The following ABCC9 variants were observed in gnomAD, a reference collection of about 807,000 sequenced individuals.
ABCC9 encodes the protein ATP binding cassette subfamily C member 9.
ABCC9 carries 95 observed loss-of-function variants against 188.3 expected under a neutral mutation model. The ratio of observed to expected loss-of-function variants is 0.50; its 90% CI spans 0.43 to 0.60. The LOEUF (loss-of-function observed/expected upper bound fraction) is 0.60, where lower values mean the gene tolerates loss of function less well. ABCC9 is among the 20% of genes least tolerant of loss of function. ABCC9 has a pLI of 0.00. For missense variants in ABCC9, 1,102 were observed against 1,876.3 expected, an observed-to-expected ratio of 0.59 and a Z score of 7.62; for synonymous variants, 659 against 652.7, an observed-to-expected ratio of 1.01 and a Z score of -0.15.
At chr12:21,875,526 G>A in intron 17 of ABCC9, 128 bp downstream of exon 17, 1 of 706,044 alleles carries the variant, frequency 1.4e-6, no homozygotes, top group Non-Finnish European at 2.4e-6. Context: ...AAGCACAATA[G>A]TGCAAATAGG....
chr12:21,859,513 T>G, intron 22 of ABCC9, 73 bp downstream of exon 22: 1 of 1,438,192 alleles, frequency 7.0e-7, no homozygotes. Flanking sequence ...TTACTTGACT[T>G]ACACCTTTTT....
intron 31 of ABCC9, chr12:21,827,112 G>T: frequency 1.0e-6 from 1 of 985,230 alleles, no homozygotes; most frequent in Non-Finnish European, 1.2e-6. Flanking sequence ...TTTCACGTGG[G>T]GGTTAAAGTA....
At chr12:21,816,054 T>G (rs1371668558) in intron 33 of ABCC9, among the ~76,000 whole-genome samples, 161 bp from the exon 34 acceptor site, 13 of 110,938 alleles carry the variant, frequency 1.2e-4, no homozygotes, top group South Asian at 2.6e-4. Flanking sequence ...TTTTTTTTTT[T>G]TTTTTTTTTT....
chr12:21,870,830 C>T lies in ABCC9; in HGVS notation c.2198+1795G>A, dbSNP rs534041311. Among the ~76,000 whole-genome samples, 6 of 152,090 alleles carry T rather than the reference C, an allele frequency of 3.9e-5. No homozygotes were observed. In the East Asian group the frequency reaches 1.2e-3, roughly 29 times the overall value. ...ATACAAAACTTTATGAAATAAGATA[C>T]AATATAAATCGTATACATGCTTAGG... On this transcript the variant is annotated intron_variant, in intron 18 of 39. Transcript: ENST00000261200.
intron 29 of ABCC9, among the ~76,000 whole-genome samples, chr12:21,840,662 G>A (rs1944333491): frequency 6.6e-6 from 1 of 152,178 alleles, no homozygotes; most frequent in South Asian, 2.1e-4. Flanking sequence ...TGCCCCACCA[G>A]CAAGTAGACC....
At chr12:21,861,945 G>A (rs1486593369) in intron 20 of ABCC9, among the ~76,000 whole-genome samples, 1 of 152,130 alleles carries the variant, frequency 6.6e-6, no homozygotes, top group Non-Finnish European at 1.5e-5. Flanking sequence ...CTGGAAATCA[G>A]ATGAACTGGA....
chr12:21,859,808 G>C, intron 21 of ABCC9, 142 bp from the exon 22 acceptor site: 1 of 770,094 alleles, frequency 1.3e-6, no homozygotes, highest in Non-Finnish European at 2.3e-6. Context: ...ACATTGGTAA[G>C]AAAACATGGA....
At chr12:21,907,320 C>T (rs1014718232) in intron 11 of ABCC9, among the ~76,000 whole-genome samples, 21 of 151,958 alleles carry the variant, frequency 1.4e-4, no homozygotes, top group Admixed American at 6.6e-5. Flanking sequence ...TGATAAACAC[C>T]GCTTGCGTGA....
intron 19 of ABCC9, 70 bp from the exon 20 acceptor site, chr12:21,863,124 T>C: frequency 1.0e-6 from 1 of 996,392 alleles, no homozygotes; most frequent in Non-Finnish European, 1.5e-6. Context: ...TGTATTTTAC[T>C]ATAAATAGGG....
In ABCC9 at chr12:21,799,567, T is replaced by C. The variant is rs1200060996; in HGVS notation, c.*1477A>G. ...ACCATTTTTGTCCATCTTGTGGAAC[T>C]TATTTTTTTGTAAATATAAAGATTA... On this transcript the variant is annotated 3_prime_UTR_variant, in exon 40 of 40. Transcript: ENST00000261200. The C allele has an allele frequency of 6.6e-6, 1 of 152,228 alleles. No homozygotes were observed. Among genetic ancestry groups the C allele is most frequent in the Non-Finnish European group, 1.5e-5 (1 of 68,026 alleles). The allele number at this position is 152,228 out of a possible 1,614,324, so 9.4% of individuals were successfully genotyped here. A position where few individuals can be genotyped will look rare whatever the true frequency, so the allele number is the denominator to read the frequency against.
chr12:21,897,239 T>C (rs1947472154), intron 12 of ABCC9, among the ~76,000 whole-genome samples: 1 of 152,236 alleles, frequency 6.6e-6, no homozygotes, highest in African/African-American at 2.4e-5. Flanking sequence ...TGTCTGTTCA[T>C]GTCCTTTGCC....
In ABCC9 at chr12:21,933,776, A is replaced by C. The variant is rs1277936424; in HGVS notation, c.284+6T>G. ...GCAGTGGTATTATTTAACTTAGATC[A>C]CTTACGAGTCTGAAACAATGCCTTC... On this transcript the variant is annotated splice_donor_region_variant and intron_variant, in intron 4 of 39. Coordinates refer to ENST00000261200, the MANE Select transcript of ABCC9 (RefSeq NM_020297.4). The C allele has an allele frequency of 1.9e-6, 3 of 1,613,326 alleles. No individual in the cohort carries two copies. The highest frequency in any genetic ancestry group is 3.3e-5 in the Admixed American group (2 of 59,968).
At chr12:21,928,462 AAGG>A (rs1386544563) in intron 4 of ABCC9, among the ~76,000 whole-genome samples, 3 of 151,018 alleles carry the variant, frequency 2.0e-5, no homozygotes, top group South Asian at 2.1e-4. Flanking sequence ...GGGAGGAAGA[AAGG>A]AAGGAAGGAA....
At chr12:21,860,779 C>T (rs1485640541) in intron 21 of ABCC9, among the ~76,000 whole-genome samples, 192 bp downstream of exon 21, 3 of 152,116 alleles carry the variant, frequency 2.0e-5, no homozygotes, top group Non-Finnish European at 4.4e-5. Flanking sequence ...ACAGTGATTA[C>T]TCAATAAATA....
intron 11 of ABCC9, among the ~76,000 whole-genome samples, chr12:21,906,568 CAT>C (rs1182225640): frequency 1.3e-5 from 2 of 152,086 alleles, no homozygotes; most frequent in Non-Finnish European, 2.9e-5. Context: ...TAAAGTTTCA[CAT>C]GATTTCCTTG....
chr12:21,800,744 T>TA lies in ABCC9; in HGVS notation c.*299dup. On this transcript the variant is annotated 3_prime_UTR_variant, in exon 40 of 40. Coordinates refer to ENST00000261200, the MANE Select transcript of ABCC9 (RefSeq NM_020297.4). ...ATTCCTGAGAGATATTTACCAGACT[T>TA]AAAGTTAGGAGAAAACTTTAGCTAT... 2.7e-6 allele frequency: 1 copy of TA among 376,746 alleles called. No individual in the cohort carries two copies. The highest frequency in any genetic ancestry group is 5.0e-6 in the Non-Finnish European group (1 of 201,654). 23.3% of individuals were successfully genotyped at this position (376,746 alleles called of 1,614,324 possible). A position where few individuals can be genotyped will look rare whatever the true frequency, so the allele number is the denominator to read the frequency against.
chr12:21,862,641 A>C (rs112735584), intron 20 of ABCC9, among the ~76,000 whole-genome samples: 1 of 151,956 alleles, frequency 6.6e-6, no homozygotes, highest in Non-Finnish European at 1.5e-5. Context: ...TTCCTTCTCT[A>C]TCTTCTCACC....
chr12:21,911,589 T>C (rs973578771), intron 8 of ABCC9, among the ~76,000 whole-genome samples: 2 of 152,000 alleles, frequency 1.3e-5, no homozygotes, highest in African/African-American at 4.8e-5. Context: ...TTTGTAACAA[T>C]AGCATATGGT....
chr12:21,930,667 AT>A (rs1158760941), intron 4 of ABCC9, among the ~76,000 whole-genome samples: 1 of 152,234 alleles, frequency 6.6e-6, no homozygotes, highest in East Asian at 1.9e-4. Flanking sequence ...AGAAATGTTT[AT>A]AGCATTTTTT....
Sources: allele counts gnomAD v4.1 joint callset (sites outside exome capture counted in the v4.1 genomes callset), GRCh38; gene constraint gnomAD v4.1.1; transcripts MANE v1.5; gene names NCBI Gene and HGNC (gene_info 2026-07-23, HGNC 2026-07-21).